FAN1: variants seen among roughly 807,000 people sequenced by gnomAD.
FAN1 encodes fanconi-associated nuclease 1.
A neutral mutation model predicts 104.9 loss-of-function variants in FAN1; 91 were observed. The observed-to-expected ratio is 0.87, with a 90% CI of 0.73 to 1.03. The LOEUF (loss-of-function observed/expected upper bound fraction) is 1.03, where lower values mean the gene tolerates loss of function less well. FAN1 is among the 50% of genes least tolerant of loss of function. The pLI is 0.00. For missense variants in FAN1, 1,263 were observed against 1,239.9 expected, an observed-to-expected ratio of 1.02 and a Z score of -0.28; for synonymous variants, 478 against 457.6, an observed-to-expected ratio of 1.04 and a Z score of -0.57.
chr15:30,913,952 A>AT lies in FAN1; in HGVS notation c.1673dup (p.Met558IlefsTer4). ...GCTACTGTTTTCGTTGACCGACTCA[A>AT]TGGAAGATGAAGACGCCGCTTGTGG... On this transcript the variant is annotated frameshift_variant, in exon 5 of 15. Transcript: ENST00000362065. LOFTEE classifies it high-confidence loss of function. 1 of 1,614,174 alleles carries AT rather than the reference A, an allele frequency of 6.2e-7. No homozygotes were observed. Among genetic ancestry groups the AT allele is most frequent in the Non-Finnish European group, 8.5e-7 (1 of 1,180,026 alleles).
chr15:30,932,012 G>C (rs1195373881), intron 13 of FAN1, among the ~76,000 whole-genome samples: 1 of 151,730 alleles, frequency 6.6e-6, no homozygotes, highest in Non-Finnish European at 1.5e-5. Flanking sequence ...CACGAGGTCA[G>C]GAGATTGAGA....
chr15:30,941,336 T>C, intron 14 of FAN1: 1 of 1,533,798 alleles, frequency 6.5e-7, no homozygotes, highest in South Asian at 1.2e-5. Context: ...AACATGTTTT[T>C]AAATATTAGT....
In FAN1 at chr15:30,925,799, CA is replaced by C. The variant is rs1363722788; in HGVS notation, c.2349del (p.Gly784AlafsTer15). The C allele has an allele frequency of 6.2e-7, 1 of 1,614,042 alleles. No homozygotes were observed. The highest frequency in any genetic ancestry group is 8.5e-7 in the Non-Finnish European group (1 of 1,180,044). Reference protein sequence around the residue: ...AVQDVKHVTITGRLCPQRGMC... With the variant: ...AVQDVKHVTIXGRLCPQRGMC... Reference sequence around the variant, plus strand: ...CTGCTGCTGTTTCAGGTGACCATCACAGGCAGGCTGTGCCCACAGCGTGGGA... The same window carrying C: ...CTGCTGCTGTTTCAGGTGACCATCACGGCAGGCTGTGCCCACAGCGTGGGA... On this transcript the variant is annotated frameshift_variant, in exon 10 of 15. Transcript: ENST00000362065. LOFTEE classifies it high-confidence loss of function.
Position 30,905,599 on chromosome 15 carries a change from TA to T in FAN1, c.940del (p.Ile314TyrfsTer34). ...TAAAAATGACTGTTGCTTCAGAAGC[TA>T]AAATACAGCTGTCAGATTCAGAGGC... The part of the protein sequence containing the change: ...EVKMTVASEA[K>X]IQLSDSEAKS... On this transcript the variant is annotated frameshift_variant, in exon 2 of 15. Transcript: ENST00000362065. LOFTEE classifies it high-confidence loss of function. 1 of 1,614,098 alleles carries T rather than the reference TA, an allele frequency of 6.2e-7. No individual in the cohort carries two copies. The highest frequency in any genetic ancestry group is 8.5e-7 in the Non-Finnish European group (1 of 1,179,954).
Position 30,905,378 on chromosome 15 carries a change from G to A in FAN1, c.715G>A (p.Ala239Thr), listed in dbSNP as rs1257265184. The A allele has an allele frequency of 6.2e-7, 1 of 1,614,052 alleles. No homozygotes were observed. Among genetic ancestry groups the A allele is most frequent in the Non-Finnish European group, 8.5e-7 (1 of 1,180,006 alleles). Residue 239 changes from alanine to threonine, a missense_variant, in exon 2 of 15, where the codon GCC becomes ACC. Around this residue, in one of 2 missense-constraint regions of FAN1, gnomAD observed 682 missense variants for 571.1 expected, o/e 1.19. Coordinates refer to ENST00000362065, the MANE Select transcript of FAN1 (RefSeq NM_014967.5). Reference sequence around the variant, plus strand: ...GGTAAGAGGAAGTAAAATAATGGAAGCCGAAAGCCAAAAGGCTACCCGGGA... The same window carrying A: ...GGTAAGAGGAAGTAAAATAATGGAAACCGAAAGCCAAAAGGCTACCCGGGA... ...HMVRGSKIME[A>T]ESQKATRECE...
At chr15:30,931,734 A>G (rs1039641423) in intron 13 of FAN1, among the ~76,000 whole-genome samples, 2 of 151,878 alleles carry the variant, frequency 1.3e-5, no homozygotes, top group East Asian at 3.9e-4. Flanking sequence ...TAACCCATAT[A>G]TATGTGGGTC....
intron 13 of FAN1, among the ~76,000 whole-genome samples, chr15:30,935,837 C>T (rs2140968414): frequency 6.6e-6 from 1 of 151,668 alleles, no homozygotes; most frequent in East Asian, 1.9e-4. Flanking sequence ...ATCAGAGAAT[C>T]TTTTTTTTTC....
At chr15:30,923,940 C>T (rs1211043145) in intron 8 of FAN1, among the ~76,000 whole-genome samples, 6 of 152,076 alleles carry the variant, frequency 3.9e-5, no homozygotes, top group African/African-American at 1.5e-4. Context: ...GTGACCATTG[C>T]CTCTCCACTT....
At chr15:30,916,844 A>G (rs1207002489) in intron 5 of FAN1, among the ~76,000 whole-genome samples, 1 of 152,132 alleles carries the variant, frequency 6.6e-6, no homozygotes, top group East Asian at 1.9e-4. Flanking sequence ...GTGCTGTGAT[A>G]ATTGAGGGAC....
chr15:30,939,864 C>T (rs2062979838), intron 14 of FAN1: 49 of 985,182 alleles, frequency 5.0e-5, no homozygotes, highest in Non-Finnish European at 5.9e-5. Flanking sequence ...TAAACTGAAA[C>T]TAGCCCTTAT....
chr15:30,927,329 G>A, intron 10 of FAN1: 1 of 985,516 alleles, frequency 1.0e-6, no homozygotes, highest in Non-Finnish European at 1.2e-6. Flanking sequence ...ACTCCTGGCT[G>A]GGAAAGAGCA....
chr15:30,904,714 A>G lies in FAN1; in HGVS notation c.51A>G (p.Leu17=), dbSNP rs759933516. The G allele has an allele frequency of 1.2e-6, 2 of 1,609,666 alleles. No homozygotes were observed. The highest frequency in any genetic ancestry group is 1.1e-5 in the South Asian group (1 of 90,742). The change falls in exon 2 of 15, where the codon TTA becomes TTG. Residue 17 remains leucine (L), a synonymous_variant. Transcript: ENST00000362065. ...PPDKKRPRRS[L]SISKNKKKAS... ...ACAAAAAAAGGCCTCGTAGAAGCTT[A>G]TCAATCAGCAAGAATAAGAAAAAAG...
At position 30,925,869 on chromosome 15, in the gene FAN1, C is replaced by G. The variant is rs143461130; in HGVS notation, c.2418C>G (p.Asp806Glu). 27 of 1,614,092 alleles carry G rather than the reference C, an allele frequency of 1.7e-5. No homozygotes were observed. In the African/African-American group the frequency reaches 3.2e-4, roughly 19 times the overall value. ...TGATGGAGGCCGGGGAGGCCGCTGACCCCACCACGGTCCTGTGCTCTGTGG... is the reference window on the plus strand; with the variant it reads ...TGATGGAGGCCGGGGAGGCCGCTGAGCCCACCACGGTCCTGTGCTCTGTGG... ...VFVMEAGEAADPTTVLCSVEE... is the reference protein window; with the variant it reads ...VFVMEAGEAAEPTTVLCSVEE... Residue 806 changes from aspartate to glutamate, a missense_variant, in exon 10 of 15, where the codon GAC (aspartate) becomes GAG (glutamate). By Grantham distance (45) the Asp-to-Glu change is conservative. This residue lies in a region of FAN1 where 581 missense variants were observed against 668.8 expected (regional missense o/e 0.87). Coordinates refer to ENST00000362065, the MANE Select transcript of FAN1 (RefSeq NM_014967.5).
In FAN1 at chr15:30,905,509, T is replaced by C. The variant is rs778740579; in HGVS notation, c.846T>C (p.Ser282=). 1.2e-5 allele frequency: 20 copies of C among 1,614,156 alleles called. No individual in the cohort carries two copies. In the East Asian group the frequency reaches 3.3e-4, roughly 27 times the overall value. ...RNTLKSTSED[S]LVKQECIKEV... is the part of the protein sequence containing the mutation. Reference sequence around the variant, plus strand: ...CATTAAAGTCTACTTCAGAAGACAGTCTTGTAAAGCAAGAGTGTATCAAAG... The same window carrying C: ...CATTAAAGTCTACTTCAGAAGACAGCCTTGTAAAGCAAGAGTGTATCAAAG... The change falls in exon 2 of 15, where the codon AGT becomes AGC. Residue 282 remains serine (S), a synonymous_variant. Coordinates refer to ENST00000362065, the MANE Select transcript of FAN1 (RefSeq NM_014967.5).
intron 10 of FAN1, chr15:30,927,297 C>G (rs2062488946): frequency 1.0e-6 from 1 of 985,482 alleles, no homozygotes; most frequent in African/African-American, 1.7e-5. Context: ...GGAACACTGA[C>G]TGGAAATCAG....
Position 30,905,823 on chromosome 15 carries a change from T to G in FAN1, c.1160T>G (p.Leu387Arg). 1 of 1,614,182 alleles carries G rather than the reference T, an allele frequency of 6.2e-7. No homozygotes were observed. Among genetic ancestry groups the G allele is most frequent in the Non-Finnish European group, 8.5e-7 (1 of 1,180,002 alleles). ...RSFLVVLKTV[L>R]ENEDDMLLFD... ...TTCCTTGTGGTGCTGAAAACCGTACTTGAGAATGAAGATGATATGTTGCTC... is the reference window on the plus strand; with the variant it reads ...TTCCTTGTGGTGCTGAAAACCGTACGTGAGAATGAAGATGATATGTTGCTC... The change falls in exon 2 of 15, where the codon CTT becomes CGT. Residue 387 changes from leucine to arginine, a missense_variant. Around this residue, in one of 2 missense-constraint regions of FAN1, gnomAD observed 682 missense variants for 571.1 expected, o/e 1.19. Transcript: ENST00000362065.
At chr15:30,911,069 A>G (rs1388001703) in intron 4 of FAN1, 58 of 1,222,736 alleles carry the variant, frequency 4.7e-5, no homozygotes, top group Non-Finnish European at 5.8e-5. Flanking sequence ...AAATTGTAGT[A>G]TTTTATTTTC....
intron 12 of FAN1, among the ~76,000 whole-genome samples, chr15:30,929,678 CAT>C (rs1555403002): frequency 4.1e-4 from 19 of 46,794 alleles, no homozygotes; most frequent in Admixed American, 1.5e-3. Context: ...TATAATATAT[CAT>C]ATAATATATA....
chr15:30,933,365 A>T (rs2062764757), intron 13 of FAN1, among the ~76,000 whole-genome samples: 1 of 151,432 alleles, frequency 6.6e-6, no homozygotes, highest in Admixed American at 6.6e-5. Context: ...TTCCCTTTTG[A>T]CTCTTCTTTG....
Sources: gnomAD v4.1 joint callset for allele counts (sites outside exome capture counted in the v4.1 genomes callset) on GRCh38, gnomAD v4.1.1 for gene constraint, gnomAD v4.1.1 regional missense constraint, MANE v1.5 for transcripts, NCBI Gene and HGNC (gene_info 2026-07-23, HGNC 2026-07-21) for gene names.